Variants in PARD3 observed in about 807,000 individuals in gnomAD.
The protein encoded by PARD3 is par-3 family cell polarity regulator.
PARD3 carries 75 observed loss-of-function variants against 155.4 expected under a neutral mutation model. The ratio of observed to expected loss-of-function variants is 0.48; its 90% CI spans 0.40 to 0.58. The LOEUF is 0.58. PARD3 is among the 20% of genes least tolerant of loss of function. The pLI, the probability that PARD3 is intolerant of heterozygous loss-of-function variation, is 0.00. For missense variants in PARD3, 1,642 were observed against 1,721.7 expected, an observed-to-expected ratio of 0.95 and a Z score of 0.82; for synonymous variants, 576 against 610.5, an observed-to-expected ratio of 0.94 and a Z score of 0.83.
At chr10:34,585,989 T>A (rs1412890920) in intron 2 of PARD3, among the ~76,000 whole-genome samples, 2 of 152,094 alleles carry the variant, frequency 1.3e-5, no homozygotes, top group Non-Finnish European at 2.9e-5. Context: ...ATTCCAGACC[T>A]GAGAATCAGA....
intron 1 of PARD3, among the ~76,000 whole-genome samples, chr10:34,708,357 G>A (rs999799319): frequency 3.9e-5 from 6 of 151,966 alleles, no homozygotes; most frequent in African/African-American, 1.5e-4. Context: ...AAAGTACTAT[G>A]AAAAAGGAAA....
intron 4 of PARD3, among the ~76,000 whole-genome samples, chr10:34,451,981 A>G (rs2077086675): frequency 1.4e-5 from 2 of 145,774 alleles, no homozygotes; most frequent in South Asian, 4.2e-4. Flanking sequence ...AGACTTTCTT[A>G]TACTAATAAG....
At chr10:34,664,645 C>T (rs9943300) in intron 2 of PARD3, among the ~76,000 whole-genome samples, 1 of 151,940 alleles carries the variant, frequency 6.6e-6, no homozygotes, top group East Asian at 1.9e-4. Context: ...GCCACCACAC[C>T]CAGCTAATTT....
chr10:34,584,798 A>G (rs2087849291), intron 2 of PARD3, among the ~76,000 whole-genome samples: 1 of 152,160 alleles, frequency 6.6e-6, no homozygotes, highest in African/African-American at 2.4e-5. Flanking sequence ...CTAGTCACCC[A>G]AGATTACTGT....
At chr10:34,748,306 C>T (rs916721251) in intron 1 of PARD3, among the ~76,000 whole-genome samples, 1 of 151,992 alleles carries the variant, frequency 6.6e-6, no homozygotes, top group Non-Finnish European at 1.5e-5. Flanking sequence ...CCTGTCTCTA[C>T]TAAAAATACC....
chr10:34,382,723 G>A lies in PARD3; in HGVS notation c.1216C>T (p.Pro406Ser). ...TGCTCAGGCGGGTGGTTCAGTCGGG[G>A]TGCTCTCTGCACCGTGTGAAGCCCT... The part of the protein sequence containing the change: ...SAGLHTVQRA[P>S]RLNHPPEQID... The change falls in exon 9 of 25, where the codon CCC (proline) becomes TCC (serine). Residue 406 changes from proline to serine, a missense_variant. Physicochemically the swap from Pro to Ser is moderately conservative, Grantham distance 74. This residue lies in a region of PARD3 where 1,529 missense variants were observed against 1,587.3 expected (regional missense o/e 0.96). Coordinates refer to ENST00000374788, the MANE Select transcript of PARD3 (RefSeq NM_001184785.2). The A allele has an allele frequency of 6.2e-7, 1 of 1,614,204 alleles. No individual in the cohort carries two copies. Among genetic ancestry groups the A allele is most frequent in the Non-Finnish European group, 8.5e-7 (1 of 1,180,032 alleles).
At chr10:34,456,957 T>C (rs908069425) in intron 4 of PARD3, among the ~76,000 whole-genome samples, 15 of 152,186 alleles carry the variant, frequency 9.9e-5, no homozygotes, top group Non-Finnish European at 1.8e-4. Context: ...AATTCTAATA[T>C]AGAAGAATTT....
chr10:34,278,982 C>T (rs1303954418), intron 21 of PARD3, among the ~76,000 whole-genome samples: 4 of 152,118 alleles, frequency 2.6e-5, no homozygotes, highest in African/African-American at 9.7e-5. Context: ...ATTGCCAATG[C>T]AGAGAGATGC....
intron 2 of PARD3, among the ~76,000 whole-genome samples, chr10:34,625,585 C>G (rs759721225): frequency 6.6e-6 from 1 of 152,150 alleles, no homozygotes; most frequent in Non-Finnish European, 1.5e-5. Flanking sequence ...GACTTGAAAA[C>G]AAAGGAATTG....
intron 1 of PARD3, among the ~76,000 whole-genome samples, chr10:34,741,006 T>A (rs1458362185): frequency 6.6e-6 from 1 of 152,028 alleles, no homozygotes; most frequent in Non-Finnish European, 1.5e-5. Flanking sequence ...TACATAAGAC[T>A]TTTTCCCCCT....
chr10:34,229,783 T>C (rs1952822885), intron 22 of PARD3, among the ~76,000 whole-genome samples: 1 of 152,020 alleles, frequency 6.6e-6, no homozygotes, highest in Admixed American at 6.5e-5. Flanking sequence ...TTTTTGTTAC[T>C]GGGCAATGAA....
At chr10:34,213,901 G>A (rs960938682) in intron 22 of PARD3, among the ~76,000 whole-genome samples, 1 of 150,944 alleles carries the variant, frequency 6.6e-6, no homozygotes, top group African/African-American at 2.4e-5. Context: ...TTTTTGTTTC[G>A]TTTTTAGAGA....
intron 23 of PARD3, among the ~76,000 whole-genome samples, chr10:34,128,734 CA>C (rs1341932667): frequency 6.6e-6 from 1 of 152,150 alleles, no homozygotes; most frequent in African/African-American, 2.4e-5. Context: ...TAATGAGCAG[CA>C]TTTATAGGTT....
chr10:34,115,394 C>G (rs540444016), intron 24 of PARD3, among the ~76,000 whole-genome samples: 2 of 152,238 alleles, frequency 1.3e-5, no homozygotes, highest in African/African-American at 4.8e-5. Flanking sequence ...ACGCACGCCT[C>G]TATTCCTTTT....
intron 1 of PARD3, among the ~76,000 whole-genome samples, chr10:34,768,927 G>A (rs1269220775): frequency 1.3e-5 from 2 of 152,176 alleles, no homozygotes; most frequent in Admixed American, 6.5e-5. Context: ...TCCAGTTCAC[G>A]TCACCCTCGG....
chr10:34,525,214 TG>T (rs2082394616), intron 2 of PARD3, among the ~76,000 whole-genome samples: 1 of 152,216 alleles, frequency 6.6e-6, no homozygotes, highest in East Asian at 1.9e-4. Flanking sequence ...AGCTTGCCAC[TG>T]GAAAACTTTA....
At chr10:34,310,833 GA>G (rs1222658169) in intron 20 of PARD3, among the ~76,000 whole-genome samples, 1 of 152,166 alleles carries the variant, frequency 6.6e-6, no homozygotes, top group Non-Finnish European at 1.5e-5. Context: ...TCACTCCAAG[GA>G]AACCTCCCAG....
chr10:34,535,489 G>T (rs934310053), intron 2 of PARD3, among the ~76,000 whole-genome samples: 1 of 152,044 alleles, frequency 6.6e-6, no homozygotes, highest in Non-Finnish European at 1.5e-5. Flanking sequence ...TATGTTTTGG[G>T]GTTTTGTTTC....
intron 2 of PARD3, among the ~76,000 whole-genome samples, chr10:34,616,286 C>T (rs1183926026): frequency 4.6e-5 from 7 of 152,076 alleles, no homozygotes; most frequent in South Asian, 4.2e-4. Context: ...TACTGCACTC[C>T]AGCCTGGGTG....
Sources: gnomAD v4.1 joint callset for allele counts (sites outside exome capture counted in the v4.1 genomes callset) on GRCh38, gnomAD v4.1.1 for gene constraint, gnomAD v4.1.1 regional missense constraint, MANE v1.5 for transcripts, NCBI Gene and HGNC (gene_info 2026-07-23, HGNC 2026-07-21) for gene names.